Variants in P2RY6 observed in about 807,000 individuals in gnomAD.
P2RY6 encodes pyrimidinergic receptor P2Y6, also known as P2Y purinoceptor 6.
A neutral mutation model predicts 16.3 loss-of-function variants in P2RY6; 19 were observed. That is an observed-to-expected ratio of 1.16 (90% CI 0.81 to 1.71). The LOEUF (loss-of-function observed/expected upper bound fraction) is 1.71, where lower values mean the gene tolerates loss of function less well. Ranked by LOEUF, P2RY6 falls within the 40% of genes most tolerant of loss-of-function variation. The pLI is 0.00. For missense variants in P2RY6, 389 were observed against 455.5 expected (o/e 0.85, Z 1.33); for synonymous variants, 184 against 201.5 (o/e 0.91, Z 0.74).
chr11:73,280,921 T>C (rs556237433), intron 1 of P2RY6, among the ~76,000 whole-genome samples: 20 of 152,214 alleles, frequency 1.3e-4, no homozygotes, highest in Admixed American at 1.2e-3. Context: ...AGACTTTTGC[T>C]GAGCCAGGGT....
At chr11:73,286,574 T>TAAAAAAAAAA (rs34923291) in intron 1 of P2RY6, among the ~76,000 whole-genome samples, 1 of 137,408 alleles carries the variant, frequency 7.3e-6, no homozygotes. Flanking sequence ...GACAAAGATT[T>TAAAAAAAAAA]AAAAAAAAAA....
rs748905916 is a variant in P2RY6, at chr11:73,296,968, C to A, written c.450C>A (p.Ala150=). The A allele has an allele frequency of 1.9e-6, 3 of 1,603,260 alleles. No homozygotes were observed. The South Asian group carries it at 3.3e-5, about 18-fold the overall frequency. Residue 150 remains alanine (A), a synonymous_variant, in exon 3 of 3, where the codon GCC becomes GCA. Coordinates refer to ENST00000540124, the MANE Select transcript of P2RY6 (RefSeq NM_001277204.2). The part of the protein sequence containing the change: ...GRRAAWLVCV[A]VWLAVTTQCL... ...GGGCTGCCTGGCTAGTGTGTGTAGC[C>A]GTGTGGCTGGCCGTGACAACCCAGT...
intron 1 of P2RY6, among the ~76,000 whole-genome samples, chr11:73,277,854 A>G (rs1863602954): frequency 6.6e-6 from 1 of 152,240 alleles, no homozygotes; most frequent in Admixed American, 6.5e-5. Flanking sequence ...CTCTACAGAT[A>G]TCCTCGAAAA....
chr11:73,284,157 C>A (rs1863872330), intron 1 of P2RY6, among the ~76,000 whole-genome samples: 1 of 152,056 alleles, frequency 6.6e-6, no homozygotes. Context: ...CTAGGACAGA[C>A]AAAAGGTTGG....
chr11:73,295,123 C>A (rs560975485), intron 1 of P2RY6, among the ~76,000 whole-genome samples: 2 of 152,154 alleles, frequency 1.3e-5, no homozygotes, highest in Non-Finnish European at 2.9e-5. Context: ...TTTCTCTAGA[C>A]ACCAGTAATA....
intron 1 of P2RY6, among the ~76,000 whole-genome samples, chr11:73,281,943 T>G (rs936295161): frequency 6.6e-6 from 1 of 152,200 alleles, no homozygotes; most frequent in African/African-American, 2.4e-5. Flanking sequence ...AAGCCATGCC[T>G]TTGCTGCCCC....
rs575851258 is a variant in P2RY6 at position 73,282,823 on chromosome 11, G to A, written c.-121+10357G>A. Among the ~76,000 whole-genome samples, 11 of 152,310 alleles carry A rather than the reference G, an allele frequency of 7.2e-5. No homozygotes were observed. In the South Asian group the frequency reaches 2.3e-3, roughly 32 times the overall value. On this transcript the variant is annotated intron_variant, in intron 1 of 2. Coordinates refer to ENST00000540124, the MANE Select transcript of P2RY6 (RefSeq NM_001277204.2). ...TTGCAAGGGAAGTCATTTCTCATGA[G>A]TTTGGCTGGTCTATGATAAAATTAT...
intron 1 of P2RY6, among the ~76,000 whole-genome samples, chr11:73,283,070 G>A (rs1317098663): frequency 6.6e-6 from 1 of 152,190 alleles, no homozygotes; most frequent in East Asian, 1.9e-4. Flanking sequence ...CTTTGCAGAG[G>A]GAACAGTGAT....
chr11:73,266,797 G>A (rs1863120690), intron 1 of P2RY6, among the ~76,000 whole-genome samples: 1 of 152,026 alleles, frequency 6.6e-6, no homozygotes, highest in Non-Finnish European at 1.5e-5. Context: ...GCACCACAGA[G>A]GCAAGCCACT....
chr11:73,297,285 A>C lies in P2RY6; in HGVS notation c.767A>C (p.His256Pro), dbSNP rs1224978457. The C allele has an allele frequency of 6.2e-7, 1 of 1,609,046 alleles. No individual in the cohort carries two copies. Among genetic ancestry groups the C allele is most frequent in the Admixed American group, 1.7e-5 (1 of 60,004 alleles). The change falls in exon 3 of 3, where the codon CAC (histidine) becomes CCC (proline). Residue 256 changes from histidine (H) to proline (P), a missense_variant. By Grantham distance (77) the His-to-Pro change is moderately conservative. Coordinates refer to ENST00000540124, the MANE Select transcript of P2RY6 (RefSeq NM_001277204.2). Reference protein sequence around the residue: ...AAFAISFLPFHITKTAYLAVR... With the variant: ...AAFAISFLPFPITKTAYLAVR... The stretch of plus-strand genomic sequence containing the variant: ...TTTGCCATCAGCTTCCTGCCTTTTC[A>C]CATCACCAAGACAGCCTACCTGGCA...
chr11:73,290,331 G>T (rs1591689389), intron 1 of P2RY6, among the ~76,000 whole-genome samples: 1 of 148,046 alleles, frequency 6.8e-6, no homozygotes, highest in South Asian at 2.1e-4. Flanking sequence ...AAGAAAGAAA[G>T]AAAGAAAGAA....
intron 1 of P2RY6, among the ~76,000 whole-genome samples, chr11:73,277,422 T>C (rs553941216): frequency 6.6e-6 from 1 of 152,302 alleles, no homozygotes; most frequent in Admixed American, 6.5e-5. Context: ...CCACCTGAGA[T>C]TCCGATGCAA....
intron 1 of P2RY6, among the ~76,000 whole-genome samples, chr11:73,285,370 G>A (rs7936418): frequency 2.0e-3 from 310 of 152,296 alleles, no homozygotes; most frequent in African/African-American, 7.1e-3. Context: ...CACCACACCC[G>A]GCCTGTCCTG....
chr11:73,283,230 ATCTGG>A (rs1235184003), intron 1 of P2RY6, among the ~76,000 whole-genome samples: 1 of 152,100 alleles, frequency 6.6e-6, no homozygotes, highest in Non-Finnish European at 1.5e-5. Context: ...AGGGGCAGTA[ATCTGG>A]GGAGCCCTGT....
At position 73,298,533 on chromosome 11, in the gene P2RY6, G is replaced by C. The variant is rs1864600960; in HGVS notation, c.*1028G>C. 2 of 166,868 alleles carry C rather than the reference G, an allele frequency of 1.2e-5. No homozygotes were observed. Among genetic ancestry groups the C allele is most frequent in the Non-Finnish European group, 1.5e-5 (1 of 68,164 alleles). 10.3% of individuals were successfully genotyped at this position (166,868 alleles called of 1,614,324 possible). Reference sequence around the variant, plus strand: ...TAATCTCAGCAATTTGGGAGGCCAAGGAAGGAGGAATGCTTGAGCCCAAGA... The same window carrying C: ...TAATCTCAGCAATTTGGGAGGCCAACGAAGGAGGAATGCTTGAGCCCAAGA... On this transcript the variant is annotated 3_prime_UTR_variant, in exon 3 of 3. Transcript: ENST00000540124.
At chr11:73,280,085 G>A (rs1316653630) in intron 1 of P2RY6, among the ~76,000 whole-genome samples, 1 of 152,180 alleles carries the variant, frequency 6.6e-6, no homozygotes, top group Non-Finnish European at 1.5e-5. Context: ...CAGGCAGGTT[G>A]GGTCAGAACA....
rs113343026 is a variant in P2RY6 at position 73,287,204 on chromosome 11, G to A, written c.-120-8526G>A. On this transcript the variant is annotated intron_variant, in intron 1 of 2. Coordinates refer to ENST00000540124, the MANE Select transcript of P2RY6 (RefSeq NM_001277204.2). ...CAGTATCTCCGTCGCCCAGGACAAT[G>A]CCTGGAACTTAGTTCACTTGGCTCC... Among the ~76,000 whole-genome samples the A allele has an allele frequency of 3.1e-3, 475 of 152,304 alleles. 6 individuals are homozygous for A. Among genetic ancestry groups the A allele is most frequent in the African/African-American group, 0.011 (450 of 41,558 alleles).
chr11:73,296,852 G>T lies in P2RY6; in HGVS notation c.334G>T (p.Gly112Cys). ...CTTCCTCTTCTATGCCAACCTGCAC[G>T]GCAGCATCCTCTTCCTCACCTGCAT... Reference protein sequence around the residue: ...VRFLFYANLHGSILFLTCISF... With the variant: ...VRFLFYANLHCSILFLTCISF... Residue 112 changes from glycine (G) to cysteine (C), a missense_variant, in exon 3 of 3, where the codon GGC becomes TGC. Coordinates refer to ENST00000540124, the MANE Select transcript of P2RY6 (RefSeq NM_001277204.2). The T allele has an allele frequency of 6.2e-7, 1 of 1,610,714 alleles. No homozygotes were observed. The highest frequency in any genetic ancestry group is 1.1e-5 in the South Asian group (1 of 91,086).
intron 1 of P2RY6, among the ~76,000 whole-genome samples, chr11:73,273,489 G>A (rs1345974073): frequency 6.6e-6 from 1 of 152,096 alleles, no homozygotes; most frequent in Admixed American, 6.6e-5. Flanking sequence ...TGACTGGCTG[G>A]GTGGGTGGAA....
Sources: allele counts gnomAD v4.1 joint callset (sites outside exome capture counted in the v4.1 genomes callset), GRCh38; gene constraint gnomAD v4.1.1; transcripts MANE v1.5; gene names NCBI Gene and HGNC (gene_info 2026-07-23, HGNC 2026-07-21).